RBBP5: variants seen among roughly 807,000 people sequenced by gnomAD.
The protein encoded by RBBP5 is retinoblastoma-binding protein 5.
RBBP5 carries 5 observed loss-of-function variants against 72.2 expected under a neutral mutation model. The ratio of observed to expected loss-of-function variants is 0.07; its 90% CI spans 0.04 to 0.15. RBBP5 has a LOEUF of 0.15. Among genes scored for constraint, RBBP5 ranks in the 10% least tolerant of loss-of-function variants. The pLI is 1.00. For missense variants in RBBP5, 322 were observed against 652.2 expected, an observed-to-expected ratio of 0.49 and a Z score of 5.51; for synonymous variants, 209 against 237.2, an observed-to-expected ratio of 0.88 and a Z score of 1.09.
chr1:205,119,608 C>T (rs1430993541), intron 1 of RBBP5, among the ~76,000 whole-genome samples: 1 of 152,116 alleles, frequency 6.6e-6, no homozygotes, highest in Non-Finnish European at 1.5e-5. Flanking sequence ...GTTTCTGTTC[C>T]AGCTGCTGAG....
At chr1:205,106,725 T>C (rs1004721820) in intron 3 of RBBP5, among the ~76,000 whole-genome samples, 3 of 152,028 alleles carry the variant, frequency 2.0e-5, no homozygotes, top group African/African-American at 7.2e-5. Flanking sequence ...AGACAATCAA[T>C]AGACACTAAT....
chr1:205,093,558 A>ACACACGCACACG (rs1553352241), intron 13 of RBBP5, among the ~76,000 whole-genome samples: 2 of 115,924 alleles, frequency 1.7e-5, no homozygotes, highest in Non-Finnish European at 3.4e-5. Flanking sequence ...ACACACACAC[A>ACACACGCACACG]CACACACACA....
chr1:205,115,085 T>G (rs1035470304), intron 2 of RBBP5, 124 bp from the exon 3 acceptor site: 1 of 870,304 alleles, frequency 1.1e-6, no homozygotes, highest in African/African-American at 1.7e-5. Context: ...TACCAAATAA[T>G]CTCTCTGTGT....
At chr1:205,111,842 T>G (rs1656326322) in intron 3 of RBBP5, among the ~76,000 whole-genome samples, 1 of 152,176 alleles carries the variant, frequency 6.6e-6, no homozygotes. Context: ...AGGTTCTCCA[T>G]GAGGACCTTG....
intron 13 of RBBP5, chr1:205,091,859 G>A (rs1270833082): frequency 6.6e-6 from 1 of 152,172 alleles, no homozygotes; most frequent in African/African-American, 2.4e-5. Flanking sequence ...AGATGGTTTG[G>A]CCTCAGAAGT....
chr1:205,090,851 G>C (rs1188764852), intron 13 of RBBP5, among the ~76,000 whole-genome samples: 1 of 151,282 alleles, frequency 6.6e-6, no homozygotes, highest in Non-Finnish European at 1.5e-5. Context: ...TCTTCACAAG[G>C]AAAGGAAGGA....
chr1:205,116,899 C>A (rs1656546700), intron 1 of RBBP5, among the ~76,000 whole-genome samples: 2 of 152,206 alleles, frequency 1.3e-5, no homozygotes, highest in South Asian at 4.1e-4. Context: ...ACCTTGAAAC[C>A]TTTAACAAAA....
Position 205,102,381 on chromosome 1 carries a change from A to G in RBBP5, c.523-672T>C, listed in dbSNP as rs118133200. On this transcript the variant is annotated intron_variant, in intron 5 of 13. Transcript: ENST00000264515. The stretch of plus-strand genomic sequence containing the variant: ...ACACACATGGGTGAAGCTTGAGGAC[A>G]TGAAACTAAGTGAAATAAGCCAGTC... Among the ~76,000 whole-genome samples the G allele has an allele frequency of 3.6e-4, 55 of 152,364 alleles. 3 individuals carry two copies. The East Asian group carries it at 0.01, about 29-fold the overall frequency.
At position 205,087,177 on chromosome 1, in the gene RBBP5, G is replaced by A. The variant is rs1269257876; in HGVS notation, c.*1610C>T. Reference sequence around the variant, plus strand: ...AATCAATGTGTTTGGCTACCTATAGGAGCATCCACCAACTGATATCATTTT... The same window carrying A: ...AATCAATGTGTTTGGCTACCTATAGAAGCATCCACCAACTGATATCATTTT... On this transcript the variant is annotated 3_prime_UTR_variant, in exon 14 of 14. Coordinates refer to ENST00000264515, the MANE Select transcript of RBBP5 (RefSeq NM_005057.4). 5 of 149,844 alleles carry A rather than the reference G, an allele frequency of 3.3e-5. No homozygotes were observed. The highest frequency in any genetic ancestry group is 4.4e-5 in the Non-Finnish European group (3 of 67,774). 9.3% of individuals were successfully genotyped at this position (149,844 alleles called of 1,614,324 possible).
rs143414318 is a variant in RBBP5 at position 205,102,704 on chromosome 1, A to C, written c.523-995T>G. 1.1e-3 allele frequency among the ~76,000 whole-genome samples: 164 copies of C among 152,298 alleles called. 1 individual carries two copies. The highest frequency in any genetic ancestry group is 3.7e-3 in the African/African-American group (155 of 41,568). The stretch of plus-strand genomic sequence containing the variant: ...TTTTATCACAATTTCTTAAAAATCA[A>C]CTTTCTAGGCCAGGCGCGGTGGTTC... On this transcript the variant is annotated intron_variant, in intron 5 of 13. Transcript: ENST00000264515.
In RBBP5 at chr1:205,087,976, T is replaced by G. The variant is rs1655198366; in HGVS notation, c.*811A>C. 6.6e-6 allele frequency: 1 copy of G among 152,526 alleles called. No homozygotes were observed. Among genetic ancestry groups the G allele is most frequent in the Admixed American group, 6.5e-5 (1 of 15,280 alleles). 9.4% of individuals were successfully genotyped at this position (152,526 alleles called of 1,614,324 possible). A position where few individuals can be genotyped will look rare whatever the true frequency, so the allele number is the denominator to read the frequency against. On this transcript the variant is annotated 3_prime_UTR_variant, in exon 14 of 14. Coordinates refer to ENST00000264515, the MANE Select transcript of RBBP5 (RefSeq NM_005057.4). ...CCACCCCAGTAAAAAAGTAGCTTGT[T>G]GAGAGACACCTGGGTTTGTTTCCAT...
At chr1:205,103,832 C>T (rs747064504) in intron 5 of RBBP5, 25 bp downstream of exon 5, 3 of 1,601,472 alleles carry the variant, frequency 1.9e-6, no homozygotes, top group Non-Finnish European at 2.6e-6. Flanking sequence ...TACAAGATGC[C>T]TGATTTGCCA....
At chr1:205,100,300 A>G in intron 6 of RBBP5, 29 bp from the exon 7 acceptor site, 2 of 1,610,430 alleles carry the variant, frequency 1.2e-6, no homozygotes, top group Non-Finnish European at 1.7e-6. Flanking sequence ...TATCAACACC[A>G]GAGGTCAGAA....
At chr1:205,115,068 C>T (rs921803106) in intron 2 of RBBP5, 107 bp from the exon 3 acceptor site, 10 of 981,900 alleles carry the variant, frequency 1.0e-5, no homozygotes, top group Middle Eastern at 3.1e-4. Context: ...ATATAAATTA[C>T]ACTGCATACC....
At chr1:205,119,741 T>C (rs534085890) in intron 1 of RBBP5, among the ~76,000 whole-genome samples, 4 of 152,228 alleles carry the variant, frequency 2.6e-5, no homozygotes, top group Non-Finnish European at 5.9e-5. Context: ...TCTACATAGA[T>C]TAATACATGG....
intron 3 of RBBP5, among the ~76,000 whole-genome samples, chr1:205,114,135 T>C (rs958226915): frequency 6.6e-6 from 1 of 152,228 alleles, no homozygotes; most frequent in East Asian, 1.9e-4. Flanking sequence ...CTGGCCAAAC[T>C]TTACTGTGAT....
chr1:205,121,920 T>A lies in RBBP5; in HGVS notation c.-47A>T, dbSNP rs749449994. On this transcript the variant is annotated 5_prime_UTR_variant, in exon 1 of 14. Transcript: ENST00000264515. The stretch of plus-strand genomic sequence containing the variant: ...GGTCTCAGCTCCGGCAACAACACCT[T>A]CTCCCCGGCCGGCTTCAGCAACTTG... The A allele has an allele frequency of 6.2e-7, 1 of 1,606,002 alleles. No homozygotes were observed. The highest frequency in any genetic ancestry group is 1.3e-5 in the African/African-American group (1 of 74,844).
intron 13 of RBBP5, 42 bp downstream of exon 13, chr1:205,094,831 G>C: frequency 6.4e-7 from 1 of 1,564,918 alleles, no homozygotes; most frequent in Non-Finnish European, 8.7e-7. Flanking sequence ...CACAAAGCAA[G>C]GCCACGAAGC....
At chr1:205,121,814 T>C in intron 1 of RBBP5, 41 bp downstream of exon 1, 1 of 1,612,020 alleles carries the variant, frequency 6.2e-7, no homozygotes, top group Non-Finnish European at 8.5e-7. Context: ...TCCTTTCCAG[T>C]ACCCAACGCT....
Sources: gnomAD v4.1 joint callset for allele counts (sites outside exome capture counted in the v4.1 genomes callset) on GRCh38, gnomAD v4.1.1 for gene constraint, MANE v1.5 for transcripts, NCBI Gene and HGNC (gene_info 2026-07-23, HGNC 2026-07-21) for gene names.